DENND6A: variants seen among roughly 807,000 people sequenced by gnomAD.
The protein encoded by DENND6A is protein DENND6A.
A neutral mutation model predicts 95.5 loss-of-function variants in DENND6A; 43 were observed. The observed-to-expected ratio is 0.45, with a 90% CI of 0.35 to 0.58. The LOEUF (loss-of-function observed/expected upper bound fraction) is 0.58. DENND6A is among the 20% of genes least tolerant of loss of function. The pLI is 0.00. For synonymous variants in DENND6A, 257 were observed against 260.4 expected, an observed-to-expected ratio of 0.99 and a Z score of 0.13; for missense variants, 574 against 736.0, an observed-to-expected ratio of 0.78 and a Z score of 2.55.
At chr3:57,655,508 C>A (rs1159421760) in intron 9 of DENND6A, among the ~76,000 whole-genome samples, 1 of 152,126 alleles carries the variant, frequency 6.6e-6, no homozygotes, top group Non-Finnish European at 1.5e-5. Flanking sequence ...TTCCCAAATC[C>A]AAAAGGTTTT....
At chr3:57,660,721 TA>T in intron 7 of DENND6A, 38 bp downstream of exon 7, 2 of 1,547,742 alleles carry the variant, frequency 1.3e-6, no homozygotes, top group Non-Finnish European at 1.7e-6. Flanking sequence ...AAAATAAAAA[TA>T]AAAATAAAAA....
In DENND6A at chr3:57,672,285, C is replaced by T. The variant is rs896810785; in HGVS notation, c.290G>A (p.Cys97Tyr). The T allele has an allele frequency of 6.2e-7, 1 of 1,609,694 alleles. No homozygotes were observed. The highest frequency in any genetic ancestry group is 2.2e-5 in the East Asian group (1 of 44,646). The change falls in exon 3 of 20, where the codon TGC (cysteine) becomes TAC (tyrosine). Residue 97 changes from cysteine to tyrosine, a missense_variant. Cys to Tyr is a radical substitution (Grantham distance 194). Coordinates refer to ENST00000311128, the MANE Select transcript of DENND6A (RefSeq NM_152678.3). ...ATTTGAATCTGGAAAAGACAAATAGCAAATATTGGTTTTCTGAAAAAGAAA... is the reference window on the plus strand; with the variant it reads ...ATTTGAATCTGGAAAAGACAAATAGTAAATATTGGTTTTCTGAAAAAGAAA... ...KLTDREKTNI[C>Y]YLSFPDSNSG... is the part of the protein sequence containing the mutation.
chr3:57,652,007 G>A (rs927679497), intron 9 of DENND6A, among the ~76,000 whole-genome samples: 2 of 151,828 alleles, frequency 1.3e-5, no homozygotes, highest in Non-Finnish European at 2.9e-5. Context: ...AGACTGGCCT[G>A]GGTAACATAG....
Position 57,626,068 on chromosome 3 carries a change from A to G in DENND6A, c.*2146T>C, listed in dbSNP as rs1027804047. The G allele has an allele frequency of 2.0e-5, 3 of 152,646 alleles. No individual in the cohort carries two copies. Among genetic ancestry groups the G allele is most frequent in the Non-Finnish European group, 4.4e-5 (3 of 68,030 alleles). The allele number at this position is 152,646 out of a possible 1,614,324, so 9.5% of individuals were successfully genotyped here. A position where few individuals can be genotyped will look rare whatever the true frequency, so the allele number is the denominator to read the frequency against. On this transcript the variant is annotated 3_prime_UTR_variant, in exon 20 of 20. Coordinates refer to ENST00000311128, the MANE Select transcript of DENND6A (RefSeq NM_152678.3). ...AGTTATGAAATACTTTTAGCATATA[A>G]AAGTAGTTGCTCCTTTTCTGAAAAG...
At chr3:57,680,848 A>G (rs891789961) in intron 1 of DENND6A, among the ~76,000 whole-genome samples, 51 of 152,202 alleles carry the variant, frequency 3.4e-4, no homozygotes, top group African/African-American at 1.2e-3. Flanking sequence ...TAAAATTACA[A>G]TAAGACATGG....
chr3:57,686,343 C>A (rs1037034493), intron 1 of DENND6A, among the ~76,000 whole-genome samples: 9 of 152,162 alleles, frequency 5.9e-5, no homozygotes, highest in African/African-American at 1.9e-4. Flanking sequence ...CAAAATAAAT[C>A]TTTGATTACA....
intron 4 of DENND6A, 152 bp downstream of exon 4, chr3:57,665,971 C>G: frequency 3.8e-6 from 2 of 524,622 alleles, no homozygotes; most frequent in Non-Finnish European, 3.5e-6. Context: ...GATGCTGAAT[C>G]CTTATGAATA....
intron 11 of DENND6A, among the ~76,000 whole-genome samples, chr3:57,644,252 A>C (rs1341796163): frequency 1.3e-5 from 2 of 152,128 alleles, no homozygotes; most frequent in African/African-American, 4.8e-5. Context: ...AAGTCTGCAA[A>C]GAAGATTGGG....
chr3:57,656,418 C>T (rs1282557059), intron 9 of DENND6A, among the ~76,000 whole-genome samples: 1 of 151,918 alleles, frequency 6.6e-6, no homozygotes, highest in African/African-American at 2.4e-5. Context: ...TTTGTTTGTC[C>T]ATTTACCAGT....
chr3:57,659,453 C>T (rs116010319), intron 7 of DENND6A, among the ~76,000 whole-genome samples: 1,701 of 152,252 alleles, frequency 0.011, 10 homozygotes, highest in Non-Finnish European at 0.017. Context: ...CTTCATACTG[C>T]TTCCTGTTTA....
At chr3:57,658,371 A>G (rs1246204246) in intron 8 of DENND6A, among the ~76,000 whole-genome samples, 1 of 152,106 alleles carries the variant, frequency 6.6e-6, no homozygotes, top group Non-Finnish European at 1.5e-5. Context: ...CCTACAAAAA[A>G]TATTAAAAAT....
At chr3:57,656,888 G>A (rs908474275) in intron 9 of DENND6A, among the ~76,000 whole-genome samples, 5 of 152,192 alleles carry the variant, frequency 3.3e-5, no homozygotes, top group African/African-American at 1.2e-4. Context: ...AACCTGGGAG[G>A]TGGAGGCTGC....
chr3:57,638,279 TA>T (rs999504023), intron 12 of DENND6A, among the ~76,000 whole-genome samples: 152 of 139,928 alleles, frequency 1.1e-3, no homozygotes, highest in Admixed American at 9.9e-4. Context: ...TTCCTATAAC[TA>T]AAAAAAAAAA....
rs1358950490 is a variant in DENND6A, at chr3:57,626,710, A to C, written c.*1504T>G. On this transcript the variant is annotated 3_prime_UTR_variant, in exon 20 of 20. Transcript: ENST00000311128. ...GGCAACAAGAGCAAAACTCCATCTC[A>C]AAAAAAAAAAAAGTGGCTTCTGTAG... 1 of 144,760 alleles carries C rather than the reference A, an allele frequency of 6.9e-6. No homozygotes were observed. The highest frequency in any genetic ancestry group is 2.0e-4 in the East Asian group (1 of 5,074). 9.0% of individuals were successfully genotyped at this position (144,760 alleles called of 1,614,324 possible). A position where few individuals can be genotyped will look rare whatever the true frequency, so the allele number is the denominator to read the frequency against.
chr3:57,637,120 A>T (rs556919461), intron 12 of DENND6A, among the ~76,000 whole-genome samples: 1 of 152,278 alleles, frequency 6.6e-6, no homozygotes, highest in East Asian at 1.9e-4. Flanking sequence ...TACTGCACAA[A>T]TTATCACATT....
chr3:57,692,812 G>A lies in DENND6A; in HGVS notation c.207C>T (p.Gly69=). The change falls in exon 1 of 20, where the codon GGC becomes GGT. Residue 69 remains glycine, a synonymous_variant. Coordinates refer to ENST00000311128, the MANE Select transcript of DENND6A (RefSeq NM_152678.3). ...SAWLHCVCVV[G]FDLELGQAVE... ...CGGCCTGGCCCAGCTCCAGGTCGAA[G>A]CCCACCACACACACGCAGTGCAGCC... The A allele has an allele frequency of 6.4e-7, 1 of 1,565,340 alleles. No individual in the cohort carries two copies. The highest frequency in any genetic ancestry group is 1.8e-5 in the Admixed American group (1 of 54,246).
intron 3 of DENND6A, 113 bp downstream of exon 3, chr3:57,672,143 C>G: frequency 9.8e-7 from 1 of 1,016,608 alleles, no homozygotes; most frequent in Non-Finnish European, 1.4e-6. Context: ...GAATAAAAAT[C>G]ATTGATCTGT....
chr3:57,638,803 AAAAAATG>A (rs1315125515), intron 12 of DENND6A, among the ~76,000 whole-genome samples: 1 of 152,158 alleles, frequency 6.6e-6, no homozygotes, highest in African/African-American at 2.4e-5. Flanking sequence ...TTACTATCAA[AAAAAATG>A]AAAAATAACA....
At chr3:57,640,823 C>T (rs745834532) in intron 12 of DENND6A, among the ~76,000 whole-genome samples, 4 of 152,166 alleles carry the variant, frequency 2.6e-5, no homozygotes, top group Middle Eastern at 3.4e-3. Context: ...TCTTCTCATA[C>T]GCAAGACTCA....
Sources: gnomAD v4.1 joint callset for allele counts (sites outside exome capture counted in the v4.1 genomes callset) on GRCh38, gnomAD v4.1.1 for gene constraint, MANE v1.5 for transcripts, NCBI Gene and HGNC (gene_info 2026-07-23, HGNC 2026-07-21) for gene names.